VPS35L: variants seen among roughly 807,000 people sequenced by gnomAD.
VPS35L encodes VPS35 endosomal protein-sorting factor-like.
A neutral mutation model predicts 133.0 loss-of-function variants in VPS35L; 83 were observed. That is an observed-to-expected ratio of 0.62 (90% CI 0.52 to 0.75). The LOEUF is 0.75. Ranked by LOEUF, VPS35L falls within the 30% of genes least tolerant of loss-of-function variation. The pLI is 0.00. For missense variants in VPS35L, 1,083 were observed against 1,206.8 expected, an observed-to-expected ratio of 0.90 and a Z score of 1.52; for synonymous variants, 423 against 449.9, an observed-to-expected ratio of 0.94 and a Z score of 0.76.
intron 28 of VPS35L, 79 bp from the exon 29 acceptor site, chr16:19,691,274 C>A: frequency 8.7e-7 from 1 of 1,150,536 alleles, no homozygotes; most frequent in Non-Finnish European, 1.3e-6. Context: ...CTCGGTGTGA[C>A]ATGACACACG....
intron 1 of VPS35L, among the ~76,000 whole-genome samples, chr16:19,559,547 C>G (rs753510565): frequency 6.6e-6 from 1 of 152,106 alleles, no homozygotes. Flanking sequence ...GTTAGCCTTA[C>G]CAAAGACCCA....
intron 1 of VPS35L, 56 bp downstream of exon 1, chr16:19,555,802 G>C (rs1359884752): frequency 4.6e-6 from 7 of 1,524,874 alleles, no homozygotes; most frequent in Non-Finnish European, 4.4e-6. Context: ...CTTGTGATGG[G>C]GTCGGCCTGG....
At chr16:19,584,848 T>C (rs1186441519) in intron 7 of VPS35L, among the ~76,000 whole-genome samples, 2 of 152,000 alleles carry the variant, frequency 1.3e-5, no homozygotes, top group African/African-American at 2.4e-5. Context: ...CATACCACCA[T>C]GCCCAGCCTA....
chr16:19,655,671 T>C (rs1367002532), intron 26 of VPS35L, among the ~76,000 whole-genome samples: 1 of 152,194 alleles, frequency 6.6e-6, no homozygotes, highest in East Asian at 1.9e-4. Flanking sequence ...ACCGGTGCTG[T>C]GCATAGACTG....
chr16:19,622,953 T>C (rs1973131278), intron 14 of VPS35L, among the ~76,000 whole-genome samples: 1 of 152,154 alleles, frequency 6.6e-6, no homozygotes, highest in South Asian at 2.1e-4. Flanking sequence ...TCAGCTTCAG[T>C]GCATCTTTTT....
Position 19,603,273 on chromosome 16 carries a change from AGTG to A in VPS35L, c.784+1551_784+1553del, listed in dbSNP as rs1325875451. Among the ~76,000 whole-genome samples, 4 of 152,172 alleles carry A rather than the reference AGTG, an allele frequency of 2.6e-5. No individual in the cohort carries two copies. The East Asian group carries it at 5.8e-4, about 22-fold the overall frequency. On this transcript the variant is annotated intron_variant, in intron 9 of 30. Transcript: ENST00000417362. ...GCTACTGAGAGCCTTGCTCTTTCTT[AGTG>A]CTGCATCTACATTGTCCAGTACAGC...
intron 7 of VPS35L, among the ~76,000 whole-genome samples, chr16:19,585,957 G>T (rs535206562): frequency 6.6e-6 from 1 of 151,992 alleles, no homozygotes; most frequent in Non-Finnish European, 1.5e-5. Flanking sequence ...GAGTGCAGTG[G>T]TGCCATCACA....
chr16:19,622,324 G>A (rs151034740), intron 14 of VPS35L, among the ~76,000 whole-genome samples: 7,564 of 151,638 alleles, frequency 0.05, 591 homozygotes, highest in African/African-American at 0.17. Context: ...TGTATTTTTA[G>A]TAGAGACAGG....
In VPS35L at chr16:19,577,049, C is replaced by A. The variant is rs186988393; in HGVS notation, c.433+1927C>A. Among the ~76,000 whole-genome samples, 9 of 152,272 alleles carry A rather than the reference C, an allele frequency of 5.9e-5. No individual in the cohort carries two copies. In the East Asian group the frequency reaches 1.7e-3, roughly 29 times the overall value. On this transcript the variant is annotated intron_variant, in intron 5 of 30. Coordinates refer to ENST00000417362, the MANE Select transcript of VPS35L (RefSeq NM_020314.7). The stretch of plus-strand genomic sequence containing the variant: ...TGATCCCAGACCATAAAAGGTAAAT[C>A]ATACCCACCAGTTTGTAAAGATCAA...
intron 14 of VPS35L, among the ~76,000 whole-genome samples, chr16:19,619,102 T>A (rs1972994066): frequency 6.6e-6 from 1 of 151,888 alleles, no homozygotes; most frequent in Non-Finnish European, 1.5e-5. Flanking sequence ...AGATAATTTT[T>A]GTATTTTTAG....
chr16:19,603,557 AC>A (rs1972452216), intron 9 of VPS35L, among the ~76,000 whole-genome samples: 1 of 151,368 alleles, frequency 6.6e-6, no homozygotes, highest in South Asian at 2.1e-4. Flanking sequence ...TTTCTTTGGG[AC>A]CCTCCACGCC....
intron 27 of VPS35L, among the ~76,000 whole-genome samples, chr16:19,678,099 C>G (rs1470767299): frequency 6.6e-6 from 1 of 152,178 alleles, no homozygotes; most frequent in Non-Finnish European, 1.5e-5. Flanking sequence ...GAGTTAGTTA[C>G]TTCTAGGGTA....
Position 19,633,768 on chromosome 16 carries a change from TGC to T in VPS35L, c.1635+597_1635+598del, listed in dbSNP as rs1410982562. Among the ~76,000 whole-genome samples the T allele has an allele frequency of 6.6e-6, 1 of 151,786 alleles. No individual in the cohort carries two copies. Among genetic ancestry groups the T allele is most frequent in the Non-Finnish European group, 1.5e-5 (1 of 67,930 alleles). ...TTTGTTTTGTTTTGAGACGGAGTCT[TGC>T]TCTGTTGCCCAGGCTGGAGTGCAGT... is the stretch of plus-strand genomic sequence containing the variant. On this transcript the variant is annotated intron_variant, in intron 19 of 30. Transcript: ENST00000417362. This position sits in a 1 kb window ranked among gnomAD's most constrained non-coding sequence, Gnocchi z 4.1.
intron 12 of VPS35L, among the ~76,000 whole-genome samples, chr16:19,613,408 C>T (rs1259403736): frequency 1.3e-5 from 2 of 152,218 alleles, no homozygotes. Context: ...AACTTACTGG[C>T]CAGTGTCTGG....
At chr16:19,688,916 C>T (rs1975563625) in intron 28 of VPS35L, among the ~76,000 whole-genome samples, 1 of 152,220 alleles carries the variant, frequency 6.6e-6, no homozygotes, top group Non-Finnish European at 1.5e-5. Flanking sequence ...AAGAAAACCA[C>T]TGAAGTGTTC....
intron 27 of VPS35L, among the ~76,000 whole-genome samples, chr16:19,675,835 C>A (rs1358682130): frequency 6.6e-6 from 1 of 152,026 alleles, no homozygotes; most frequent in African/African-American, 2.4e-5. Flanking sequence ...CAGGCATGAG[C>A]CACTGCACCC....
intron 14 of VPS35L, among the ~76,000 whole-genome samples, chr16:19,625,784 C>T (rs1190969089): frequency 1.3e-5 from 2 of 152,116 alleles, no homozygotes; most frequent in South Asian, 2.1e-4. Flanking sequence ...AGCGATTCTC[C>T]TTCCTTAGCC....
intron 1 of VPS35L, among the ~76,000 whole-genome samples, chr16:19,556,833 T>G (rs1970873250): frequency 6.8e-6 from 1 of 146,852 alleles, no homozygotes. Context: ...TTTCAGTTAA[T>G]AGTCATGCTG....
chr16:19,601,659 C>A lies in VPS35L; in HGVS notation c.725-5C>A. 6.2e-7 allele frequency: 1 copy of A among 1,614,050 alleles called. No individual in the cohort carries two copies. On this transcript the variant is annotated splice_polypyrimidine_tract_variant and splice_region_variant and intron_variant, in intron 8 of 30. Transcript: ENST00000417362. ...TACTAACACCATCTGTCCTTTTCCT[C>A]CCAGGAAAGCTCGTGTACGAGCGCA... is the stretch of plus-strand genomic sequence containing the variant.
Sources: gnomAD v4.1 joint callset for allele counts (sites outside exome capture counted in the v4.1 genomes callset) on GRCh38, gnomAD v4.1.1 for gene constraint, Gnocchi (gnomAD v3.1) non-coding constraint, MANE v1.5 for transcripts, NCBI Gene and HGNC (gene_info 2026-07-23, HGNC 2026-07-21) for gene names.